RYR2: variants seen among roughly 807,000 people sequenced by gnomAD.
The protein encoded by RYR2 is ryanodine receptor 2.
Under a neutral mutation model 601.1 loss-of-function variants are expected in RYR2, and 227 were observed. The observed-to-expected ratio is 0.38, with a 90% CI of 0.34 to 0.42. The LOEUF (loss-of-function observed/expected upper bound fraction) is 0.42, where lower values mean the gene tolerates loss of function less well. RYR2 is among the 10% of genes least tolerant of loss of function. The probability of loss-of-function intolerance (pLI) is 1.00; values close to 1 mark genes in which losing one functional copy is unlikely to be tolerated. For missense variants in RYR2, 4,646 were observed against 6,156.5 expected, an observed-to-expected ratio of 0.75 and a Z score of 8.21; for synonymous variants, 2,223 against 2,175.1, an observed-to-expected ratio of 1.02 and a Z score of -0.61.
At position 237,270,385 on chromosome 1, in the gene RYR2, T is replaced by C. The variant is rs1689559555; in HGVS notation, c.49-112T>C. 1.6e-5 allele frequency: 23 copies of C among 1,428,218 alleles called. No individual in the cohort carries two copies. In the South Asian group the frequency reaches 2.6e-4, roughly 16 times the overall value. The allele number at this position is 1,428,218 out of a possible 1,614,324, so 88.5% of individuals were successfully genotyped here. ...TGTTTTTTTGACAGTAGTTTTTACATTCGGCACAGATTTTTAAAATGCACT... is the reference window on the plus strand; with the variant it reads ...TGTTTTTTTGACAGTAGTTTTTACACTCGGCACAGATTTTTAAAATGCACT... On this transcript the variant is annotated intron_variant, in intron 1 of 104. Coordinates refer to ENST00000366574, the MANE Select transcript of RYR2 (RefSeq NM_001035.3).
rs1658779995 is a variant in RYR2, at chr1:237,794,009, AT to A, written c.13913+14del. The A allele has an allele frequency of 7.5e-6, 12 of 1,604,306 alleles. No individual in the cohort carries two copies. The highest frequency in any genetic ancestry group is 1.0e-5 in the Non-Finnish European group (12 of 1,173,116). On this transcript the variant is annotated intron_variant, in intron 95 of 104. Coordinates refer to ENST00000366574, the MANE Select transcript of RYR2 (RefSeq NM_001035.3). Reference sequence around the variant, plus strand: ...GTAATCAACACACAGTGAGTAAATAATTATATGAGACTTTCTGCACTCAAAA... The same window carrying A: ...GTAATCAACACACAGTGAGTAAATAATATATGAGACTTTCTGCACTCAAAA...
At chr1:237,142,721 G>A (rs1185026602) in intron 1 of RYR2, among the ~76,000 whole-genome samples, 1 of 152,172 alleles carries the variant, frequency 6.6e-6, no homozygotes, top group Non-Finnish European at 1.5e-5. Context: ...CAGACACACA[G>A]AGGGACCGCT....
intron 3 of RYR2, among the ~76,000 whole-genome samples, chr1:237,341,993 A>G (rs1250486647): frequency 4.6e-5 from 7 of 152,176 alleles, no homozygotes; most frequent in Admixed American, 4.6e-4. Flanking sequence ...GAGAAATTAC[A>G]TGGTTATCCC....
chr1:237,638,614 C>T (rs1026405182), intron 45 of RYR2, 122 bp downstream of exon 45: 15 of 1,071,344 alleles, frequency 1.4e-5, no homozygotes, highest in African/African-American at 9.6e-5. Flanking sequence ...ATTTTATAAT[C>T]GATAGGGGTT....
At chr1:237,122,674 C>T (rs951065978) in intron 1 of RYR2, among the ~76,000 whole-genome samples, 6 of 140,456 alleles carry the variant, frequency 4.3e-5, no homozygotes, top group East Asian at 2.1e-4. Flanking sequence ...AGAGCAAGAC[C>T]GTCTCAAAAA....
intron 1 of RYR2, among the ~76,000 whole-genome samples, chr1:237,256,080 G>A (rs1367466037): frequency 6.6e-6 from 1 of 152,014 alleles, no homozygotes; most frequent in African/African-American, 2.4e-5. Flanking sequence ...CACATGTTGT[G>A]GGAGGGACTC....
chr1:237,546,113 GA>G (rs1360864189), intron 25 of RYR2, among the ~76,000 whole-genome samples: 3 of 151,808 alleles, frequency 2.0e-5, no homozygotes, highest in Non-Finnish European at 4.4e-5. Context: ...CGAATACAAT[GA>G]TTTATAGAAG....
intron 1 of RYR2, among the ~76,000 whole-genome samples, chr1:237,233,361 G>A (rs1685191250): frequency 6.6e-6 from 1 of 152,122 alleles, no homozygotes; most frequent in Non-Finnish European, 1.5e-5. Flanking sequence ...GTTTCTCCTT[G>A]CACAAGCTCA....
At chr1:237,420,247 G>A (rs1211569106) in intron 11 of RYR2, among the ~76,000 whole-genome samples, 1 of 152,122 alleles carries the variant, frequency 6.6e-6, no homozygotes, top group East Asian at 1.9e-4. Flanking sequence ...AGTGAGATAT[G>A]TGTTAGTTCC....
At chr1:237,271,120 G>A in intron 2 of RYR2, among the ~76,000 whole-genome samples, 1 of 151,954 alleles carries the variant, frequency 6.6e-6, no homozygotes, top group East Asian at 1.9e-4. Flanking sequence ...AATGGGATAT[G>A]GCTTTTTTTT....
chr1:237,167,785 G>GT (rs1676887193), intron 1 of RYR2, among the ~76,000 whole-genome samples: 1 of 134,264 alleles, frequency 7.4e-6, no homozygotes, highest in Non-Finnish European at 1.5e-5. Flanking sequence ...TGCAGTGGCT[G>GT]TTTACAGATA....
At chr1:237,674,652 T>A (rs1685241246) in intron 59 of RYR2, 79 bp from the exon 60 acceptor site, 4 of 731,410 alleles carry the variant, frequency 5.5e-6, no homozygotes, top group Non-Finnish European at 9.9e-6. Flanking sequence ...TATACACATA[T>A]ATATATACAC....
At chr1:237,268,700 G>A (rs1389620176) in intron 1 of RYR2, among the ~76,000 whole-genome samples, 1 of 151,896 alleles carries the variant, frequency 6.6e-6, no homozygotes, top group East Asian at 2.0e-4. Flanking sequence ...CACTTTGGGA[G>A]GCCGAGGCGG....
At chr1:237,626,374 A>T (rs1559134009) in intron 40 of RYR2, among the ~76,000 whole-genome samples, 1 of 152,102 alleles carries the variant, frequency 6.6e-6, no homozygotes, top group South Asian at 2.1e-4. Flanking sequence ...AGATGCAGCA[A>T]TGGTTTGTTA....
At position 237,625,685 on chromosome 1, in the gene RYR2, C is replaced by G; in HGVS notation, c.6047C>G (p.Ser2016Cys). 1 of 1,613,616 alleles carries G rather than the reference C, an allele frequency of 6.2e-7. No individual in the cohort carries two copies. The highest frequency in any genetic ancestry group is 1.7e-5 in the Admixed American group (1 of 59,984). Residue 2016 changes from serine to cysteine, a missense_variant, in exon 40 of 105, where the codon TCT (serine) becomes TGT (cysteine). By Grantham distance (112) the Ser-to-Cys change is moderately radical. Transcript: ENST00000366574. ...GGAATTGAGCTGGATGAAGATGGGT[C>G]TCTGGATGGAAACAGTGATTTAACA... ...HCGIELDEDGSLDGNSDLTIR... is the reference protein window; with the variant it reads ...HCGIELDEDGCLDGNSDLTIR...
intron 98 of RYR2, among the ~76,000 whole-genome samples, chr1:237,804,888 T>C (rs1402077692): frequency 2.0e-5 from 3 of 152,178 alleles, no homozygotes; most frequent in East Asian, 1.9e-4. Flanking sequence ...GGTTCTTTTG[T>C]TGGCTGTAGA....
At chr1:237,567,381 C>G (rs1048982573) in intron 28 of RYR2, among the ~76,000 whole-genome samples, 7 of 140,622 alleles carry the variant, frequency 5.0e-5, no homozygotes, top group African/African-American at 1.8e-4. Context: ...GAGTGCAAGA[C>G]CAGCCTGGGC....
At position 237,394,084 on chromosome 1, in the gene RYR2, A is replaced by C. The variant is rs1033134663; in HGVS notation, c.773+5901A>C. 3.9e-5 allele frequency among the ~76,000 whole-genome samples: 6 copies of C among 152,228 alleles called. No individual in the cohort carries two copies. The South Asian group carries it at 1.2e-3, about 32-fold the overall frequency. On this transcript the variant is annotated intron_variant, in intron 10 of 104. Transcript: ENST00000366574. ...TCGATGATTTTCTCAATTAAAATTT[A>C]AGAACATGACTTGTCTACACTGGGT...
chr1:237,125,321 T>C (rs1432623965), intron 1 of RYR2, among the ~76,000 whole-genome samples: 1 of 151,798 alleles, frequency 6.6e-6, no homozygotes. Context: ...TGTTAGGGAT[T>C]CAGATCTGCT....
Sources: gnomAD v4.1 joint callset for allele counts (sites outside exome capture counted in the v4.1 genomes callset) on GRCh38, gnomAD v4.1.1 for gene constraint, MANE v1.5 for transcripts, NCBI Gene and HGNC (gene_info 2026-07-23, HGNC 2026-07-21) for gene names.